CBY1: variants seen among roughly 807,000 people sequenced by gnomAD.
The protein encoded by CBY1 is chibby 1, beta catenin antagonist, also known as protein chibby homolog 1.
Under a neutral mutation model 15.6 loss-of-function variants are expected in CBY1, and 10 were observed. That is an observed-to-expected ratio of 0.64 (90% CI 0.40 to 1.09). The LOEUF (loss-of-function observed/expected upper bound fraction) is 1.09, where lower values mean the gene tolerates loss of function less well. CBY1 is among the 50% of genes least tolerant of loss of function. The pLI is 0.01. For synonymous variants in CBY1, 61 were observed against 63.5 expected (o/e 0.96, Z 0.19); for missense variants, 150 against 160.5 (o/e 0.93, Z 0.35).
rs1046981348 is a variant in CBY1 at position 38,673,448 on chromosome 22, C to T, written c.*212C>T. The T allele has an allele frequency of 1.2e-4, 58 of 465,942 alleles. No homozygotes were observed. Among genetic ancestry groups the T allele is most frequent in the African/African-American group, 9.1e-4 (46 of 50,582 alleles). 28.9% of individuals were successfully genotyped at this position (465,942 alleles called of 1,614,324 possible). A position where few individuals can be genotyped will look rare whatever the true frequency, so the allele number is the denominator to read the frequency against. On this transcript the variant is annotated 3_prime_UTR_variant, in exon 5 of 5. Coordinates refer to ENST00000216029, the MANE Select transcript of CBY1 (RefSeq NM_015373.4). ...GAAGGTGCTTCAGATGCACTGCCTGCGGGTGCCAGTCTGAAAACCAGACCG... is the reference window on the plus strand; with the variant it reads ...GAAGGTGCTTCAGATGCACTGCCTGTGGGTGCCAGTCTGAAAACCAGACCG...
intron 1 of CBY1, among the ~76,000 whole-genome samples, chr22:38,660,511 A>G (rs2092419092): frequency 6.6e-6 from 1 of 152,014 alleles, no homozygotes. Context: ...GCATCTTTTA[A>G]TGATGTGCCT....
At chr22:38,662,307 A>AAT (rs2092424398) in intron 1 of CBY1, among the ~76,000 whole-genome samples, 1 of 151,652 alleles carries the variant, frequency 6.6e-6, no homozygotes, top group South Asian at 2.1e-4. Context: ...GTCTCAAAAA[A>AAT]AAAAATAAAT....
At chr22:38,671,027 G>A (rs372917391) in intron 3 of CBY1, 38 bp downstream of exon 3, 184 of 1,611,794 alleles carry the variant, frequency 1.1e-4, no homozygotes, top group Non-Finnish European at 1.3e-4. Context: ...AAACAAGATT[G>A]TAGGAGGAAA....
chr22:38,671,247 G>A (rs897062344), intron 4 of CBY1, 59 bp downstream of exon 4: 14 of 1,268,186 alleles, frequency 1.1e-5, no homozygotes, highest in Non-Finnish European at 1.6e-5. Context: ...GCTCCACCTC[G>A]AGTCACTTAA....
Position 38,673,670 on chromosome 22 carries a change from T to C in CBY1, c.*434T>C. On this transcript the variant is annotated 3_prime_UTR_variant, in exon 5 of 5. Transcript: ENST00000216029. ...TGTGTTGGGGTCATGGATGAGCGGC[T>C]CTCTTGGCTCTTAAAGGCAGGCCTC... 1 of 157,600 alleles carries C rather than the reference T, an allele frequency of 6.3e-6. No individual in the cohort carries two copies. The highest frequency in any genetic ancestry group is 1.4e-5 in the Non-Finnish European group (1 of 70,840). 9.8% of individuals were successfully genotyped at this position (157,600 alleles called of 1,614,324 possible).
At chr22:38,657,096 G>T (rs1397312663) in intron 1 of CBY1, 1 of 982,916 alleles carries the variant, frequency 1.0e-6, no homozygotes, top group Non-Finnish European at 1.2e-6. Context: ...ATATCTTTGA[G>T]AATCCGATGA....
intron 4 of CBY1, 37 bp from the exon 5 acceptor site, chr22:38,673,122 A>G (rs765381047): frequency 1.4e-6 from 2 of 1,481,080 alleles, no homozygotes; most frequent in Non-Finnish European, 1.9e-6. Context: ...TTTCCTAGAA[A>G]TGTGCTGCTT....
intron 4 of CBY1, 103 bp from the exon 5 acceptor site, chr22:38,673,056 G>C (rs2092457689): frequency 1.4e-6 from 1 of 734,118 alleles, no homozygotes; most frequent in African/African-American, 1.7e-5. Flanking sequence ...CAGCATCAGA[G>C]AAGTGGCAGG....
intron 4 of CBY1, among the ~76,000 whole-genome samples, chr22:38,672,614 C>G (rs2092456146): frequency 6.6e-6 from 1 of 152,040 alleles, no homozygotes; most frequent in African/African-American, 2.4e-5. Flanking sequence ...CCACGCCCGG[C>G]CTGGATGTTT....
intron 1 of CBY1, chr22:38,657,091 T>G (rs2092400759): frequency 1.0e-6 from 1 of 982,454 alleles, no homozygotes; most frequent in Admixed American, 6.2e-5. Flanking sequence ...CACGTATATC[T>G]TTGAGAATCC....
chr22:38,668,011 C>T lies in CBY1; in HGVS notation c.-38-6C>T. 1 of 1,578,838 alleles carries T rather than the reference C, an allele frequency of 6.3e-7. No individual in the cohort carries two copies. The highest frequency in any genetic ancestry group is 8.7e-7 in the Non-Finnish European group (1 of 1,149,112). ...TGCTTGTACCCCTGACTTTTTCTGA[C>T]CCTAGGAGAAGGGAGCACTGGCTTT... On this transcript the variant is annotated splice_region_variant and splice_polypyrimidine_tract_variant and intron_variant, in intron 1 of 4. Coordinates refer to ENST00000216029, the MANE Select transcript of CBY1 (RefSeq NM_015373.4).
chr22:38,657,167 T>G (rs2092401279), intron 1 of CBY1: 3 of 939,964 alleles, frequency 3.2e-6, no homozygotes, highest in Non-Finnish European at 3.8e-6. Flanking sequence ...TTTTATGGCC[T>G]GTTGCAAACG....
chr22:38,669,340 C>T (rs959178710), intron 2 of CBY1, among the ~76,000 whole-genome samples: 2 of 152,132 alleles, frequency 1.3e-5, no homozygotes, highest in Admixed American at 6.6e-5. Flanking sequence ...CCTCTGCGCA[C>T]GCTACTCCTT....
chr22:38,665,705 G>A, intron 1 of CBY1: 1 of 1,229,766 alleles, frequency 8.1e-7, no homozygotes, highest in Non-Finnish European at 1.0e-6. Context: ...ATGGAGTGCT[G>A]AAATGCTCTG....
chr22:38,671,206 G>C lies in CBY1; in HGVS notation c.303+18G>C. On this transcript the variant is annotated intron_variant, in intron 4 of 4. Transcript: ENST00000216029. ...TAGACATGGTGAGGCAGGTGATGGG[G>C]AAGAGAGGCCTAGCTTCTCCTTTTG... The C allele has an allele frequency of 6.4e-7, 1 of 1,551,488 alleles. No homozygotes were observed. The highest frequency in any genetic ancestry group is 8.9e-7 in the Non-Finnish European group (1 of 1,123,666).
chr22:38,670,954 A>G lies in CBY1; in HGVS notation c.149A>G (p.Gln50Arg). The G allele has an allele frequency of 6.2e-7, 1 of 1,614,252 alleles. No homozygotes were observed. The change falls in exon 3 of 5, where the codon CAA (glutamine) becomes CGA (arginine). Residue 50 changes from glutamine to arginine, a missense_variant. Gln to Arg is a conservative substitution (Grantham distance 43). Transcript: ENST00000216029. ...YGSPTMNLAGQSLKFENGQWI... is the reference protein window; with the variant it reads ...YGSPTMNLAGRSLKFENGQWI... ...TCCCCGACTATGAACCTGGCAGGGC[A>G]AAGCCTGAAGTTTGAAAATGGCCAG...
intron 1 of CBY1, among the ~76,000 whole-genome samples, chr22:38,660,819 C>G (rs898767590): frequency 1.3e-4 from 20 of 152,240 alleles, no homozygotes; most frequent in African/African-American, 4.3e-4. Flanking sequence ...TCACCGCAGC[C>G]TCCACCTCCT....
intron 1 of CBY1, among the ~76,000 whole-genome samples, chr22:38,661,880 C>G (rs1003422519): frequency 6.6e-6 from 1 of 152,322 alleles, no homozygotes; most frequent in East Asian, 1.9e-4. Context: ...GAAGACCTTA[C>G]GCCCAGGAGG....
At chr22:38,664,289 T>C (rs1329814020) in intron 1 of CBY1, among the ~76,000 whole-genome samples, 3 of 151,816 alleles carry the variant, frequency 2.0e-5, no homozygotes, top group African/African-American at 7.3e-5. Flanking sequence ...CTGGCCAGCA[T>C]AGCGAAACCC....
Sources: gnomAD v4.1 joint callset for allele counts (sites outside exome capture counted in the v4.1 genomes callset) on GRCh38, gnomAD v4.1.1 for gene constraint, MANE v1.5 for transcripts, NCBI Gene and HGNC (gene_info 2026-07-23, HGNC 2026-07-21) for gene names.